Variants in RALGAPA1 observed in about 807,000 individuals in gnomAD.
RALGAPA1 encodes ral GTPase-activating protein subunit alpha-1.
In RALGAPA1, 52 loss-of-function variants were observed where a neutral mutation model predicts 269.6. The ratio of observed to expected loss-of-function variants is 0.19; its 90% CI spans 0.15 to 0.24. RALGAPA1 has a LOEUF of 0.24. RALGAPA1 is among the 10% of genes least tolerant of loss of function. The pLI, the probability that RALGAPA1 is intolerant of heterozygous loss-of-function variation, is 1.00. For missense variants in RALGAPA1, 1,917 were observed against 3,013.9 expected, an observed-to-expected ratio of 0.64 and a Z score of 8.52; for synonymous variants, 817 against 1,008.3, an observed-to-expected ratio of 0.81 and a Z score of 3.60.
chr14:35,670,021 CA>C (rs1595066407), intron 26 of RALGAPA1, among the ~76,000 whole-genome samples: 1 of 152,170 alleles, frequency 6.6e-6, no homozygotes, highest in Non-Finnish European at 1.5e-5. Flanking sequence ...ACTGGAAAAA[CA>C]GGGTTATACA....
chr14:35,573,830 T>A (rs2057378910), intron 37 of RALGAPA1, among the ~76,000 whole-genome samples: 1 of 152,170 alleles, frequency 6.6e-6, no homozygotes. Flanking sequence ...CATGGCTTCA[T>A]AATTTCATTT....
intron 36 of RALGAPA1, among the ~76,000 whole-genome samples, chr14:35,597,261 C>CA (rs2058983468): frequency 6.6e-6 from 1 of 152,202 alleles, no homozygotes; most frequent in South Asian, 2.1e-4. Flanking sequence ...ATGCCACCAA[C>CA]AATGTATGAG....
At chr14:35,604,022 T>C (rs1280743263) in intron 36 of RALGAPA1, among the ~76,000 whole-genome samples, 1 of 152,174 alleles carries the variant, frequency 6.6e-6, no homozygotes, top group African/African-American at 2.4e-5. Context: ...CACAAACAAA[T>C]GATAAATGTT....
chr14:35,618,649 A>G (rs1179098678), intron 35 of RALGAPA1, among the ~76,000 whole-genome samples: 1 of 152,164 alleles, frequency 6.6e-6, no homozygotes, highest in Non-Finnish European at 1.5e-5. Context: ...AAGCATAACT[A>G]CTAGAAAGGA....
chr14:35,627,049 G>A (rs1477754543), intron 34 of RALGAPA1, 41 bp downstream of exon 34: 51 of 1,130,670 alleles, frequency 4.5e-5, no homozygotes, highest in African/African-American at 1.0e-4. Flanking sequence ...GAATAAGACC[G>A]AAAAAAAAAA....
Position 35,762,773 on chromosome 14 carries a change from T to G in RALGAPA1, c.326-20A>C. 1 of 1,347,652 alleles carries G rather than the reference T, an allele frequency of 7.4e-7. No individual in the cohort carries two copies. Among genetic ancestry groups the G allele is most frequent in the Non-Finnish European group, 1.1e-6 (1 of 937,860 alleles). 83.5% of individuals were successfully genotyped at this position (1,347,652 alleles called of 1,614,324 possible). A position where few individuals can be genotyped will look rare whatever the true frequency, so the allele number is the denominator to read the frequency against. On this transcript the variant is annotated intron_variant, in intron 4 of 41. Transcript: ENST00000680220. ...TCAATCCTGAAAAGAAAATATGATT[T>G]TAAATATTCACATCTTATCTATTTG...
chr14:35,586,061 A>G (rs1024006647), intron 37 of RALGAPA1, among the ~76,000 whole-genome samples: 1 of 152,164 alleles, frequency 6.6e-6, no homozygotes, highest in Non-Finnish European at 1.5e-5. Context: ...CATTTTCACA[A>G]TACTGATTCT....
At chr14:35,795,007 G>A (rs1160476331) in intron 1 of RALGAPA1, among the ~76,000 whole-genome samples, 5 of 152,178 alleles carry the variant, frequency 3.3e-5, no homozygotes, top group Non-Finnish European at 7.4e-5. Flanking sequence ...CCAACTTTCA[G>A]TCTCATTCAT....
rs183424081 is a variant in RALGAPA1, at chr14:35,731,229, T to C, written c.1588-2719A>G. Among the ~76,000 whole-genome samples, 859 of 152,244 alleles carry C rather than the reference T, an allele frequency of 5.6e-3. 5 individuals are homozygous for C. Among genetic ancestry groups the C allele is most frequent in the South Asian group, 0.022 (105 of 4,824 alleles). On this transcript the variant is annotated intron_variant, in intron 12 of 41. Transcript: ENST00000680220. ...AACACTCTATGGGACAAAAGAATCT[T>C]AACAACAGCCTTCAGCCTTAGACCT...
At chr14:35,803,709 G>A (rs1325424143) in intron 1 of RALGAPA1, among the ~76,000 whole-genome samples, 1 of 149,396 alleles carries the variant, frequency 6.7e-6, no homozygotes, top group Non-Finnish European at 1.5e-5. Context: ...TTGGCTCACT[G>A]CAAACCTCCA....
intron 6 of RALGAPA1, among the ~76,000 whole-genome samples, chr14:35,758,917 C>A (rs2073437926): frequency 2.6e-5 from 4 of 152,004 alleles, no homozygotes. Context: ...AGTTTAAGAC[C>A]AGCCAGGCAA....
At chr14:35,600,534 G>A (rs2059232347) in intron 36 of RALGAPA1, among the ~76,000 whole-genome samples, 2 of 152,054 alleles carry the variant, frequency 1.3e-5, no homozygotes, top group Non-Finnish European at 2.9e-5. Flanking sequence ...CCCAGCCTAA[G>A]TTTGTTTTCT....
rs534874497 is a variant in RALGAPA1, at chr14:35,569,184, C to T, written c.7496+1433G>A. On this transcript the variant is annotated intron_variant, in intron 39 of 41. Coordinates refer to ENST00000680220, the MANE Select transcript of RALGAPA1 (RefSeq NM_001346249.2). ...ATTTTCGTCAAAAGAAGAAAATGTA[C>T]GTGGTAAACTACCAAGTTAAGATAA... Among the ~76,000 whole-genome samples the T allele has an allele frequency of 9.9e-5, 15 of 152,136 alleles. No homozygotes were observed. The South Asian group carries it at 1.5e-3, about 15-fold the overall frequency.
chr14:35,617,710 A>G (rs970701325), intron 35 of RALGAPA1, among the ~76,000 whole-genome samples: 1 of 151,938 alleles, frequency 6.6e-6, no homozygotes, highest in Non-Finnish European at 1.5e-5. Flanking sequence ...AGTATGAAAC[A>G]AAGATAAATA....
chr14:35,595,471 T>C (rs551315904), intron 37 of RALGAPA1, among the ~76,000 whole-genome samples, 163 bp downstream of exon 37: 6 of 152,150 alleles, frequency 3.9e-5, no homozygotes, highest in African/African-American at 4.8e-5. Context: ...AAAGAAAACA[T>C]AGTTTGCTGT....
chr14:35,778,303 G>A (rs71421959), intron 1 of RALGAPA1, among the ~76,000 whole-genome samples: 18,441 of 152,104 alleles, frequency 0.12, 1,188 homozygotes, highest in South Asian at 0.14. Context: ...CTCCTACCTT[G>A]GTCTCAAAGT....
intron 31 of RALGAPA1, among the ~76,000 whole-genome samples, chr14:35,642,024 G>A (rs2062064331): frequency 6.6e-6 from 1 of 152,132 alleles, no homozygotes; most frequent in Non-Finnish European, 1.5e-5. Flanking sequence ...ATATGGTGCT[G>A]AGATAACTGG....
chr14:35,797,246 A>AG (rs2076632478), intron 1 of RALGAPA1, among the ~76,000 whole-genome samples: 1 of 150,388 alleles, frequency 6.6e-6, no homozygotes, highest in African/African-American at 2.4e-5. Context: ...CCCAGCTACT[A>AG]GGGGGCTGAA....
intron 26 of RALGAPA1, among the ~76,000 whole-genome samples, chr14:35,670,832 A>T (rs1402360048): frequency 6.6e-6 from 1 of 151,860 alleles, no homozygotes; most frequent in Non-Finnish European, 1.5e-5. Flanking sequence ...CTGAGGCAGG[A>T]GAATCACTTG....
Sources: gnomAD v4.1 joint callset for allele counts (sites outside exome capture counted in the v4.1 genomes callset) on GRCh38, gnomAD v4.1.1 for gene constraint, MANE v1.5 for transcripts, NCBI Gene and HGNC (gene_info 2026-07-23, HGNC 2026-07-21) for gene names.